PTBP3: variants seen among roughly 807,000 people sequenced by gnomAD.
PTBP3 encodes the protein polypyrimidine tract binding protein 3, also known as polypyrimidine tract-binding protein 3.
Under a neutral mutation model 58.7 loss-of-function variants are expected in PTBP3, and 20 were observed. That is an observed-to-expected ratio of 0.34 (90% CI 0.24 to 0.50). The LOEUF (loss-of-function observed/expected upper bound fraction) is 0.50, where lower values mean the gene tolerates loss of function less well. Ranked by LOEUF, PTBP3 falls within the 20% of genes least tolerant of loss-of-function variation. The pLI is 0.98. For synonymous variants in PTBP3, 185 were observed against 219.8 expected, an observed-to-expected ratio of 0.84 and a Z score of 1.40; for missense variants, 509 against 637.2, an observed-to-expected ratio of 0.80 and a Z score of 2.17.
chr9:112,283,866 G>C (rs1200810622), intron 2 of PTBP3, among the ~76,000 whole-genome samples: 1 of 152,232 alleles, frequency 6.6e-6, no homozygotes, highest in Non-Finnish European at 1.5e-5. Flanking sequence ...AGCTCCAGGA[G>C]TGGCTAAAAG....
At chr9:112,297,286 C>T (rs1222741021) in intron 2 of PTBP3, among the ~76,000 whole-genome samples, 2 of 152,190 alleles carry the variant, frequency 1.3e-5, no homozygotes, top group Non-Finnish European at 2.9e-5. Context: ...TCCCTGCCAC[C>T]TCCGCTTCCC....
intron 7 of PTBP3, among the ~76,000 whole-genome samples, chr9:112,239,773 AGGGAG>A (rs1835570754): frequency 7.0e-6 from 1 of 143,664 alleles, no homozygotes; most frequent in South Asian, 2.4e-4. Flanking sequence ...AAAAGAAGAG[AGGGAG>A]GGGAGGGGAG....
intron 2 of PTBP3, among the ~76,000 whole-genome samples, chr9:112,279,041 C>A (rs1368277706): frequency 3.3e-5 from 5 of 151,984 alleles, no homozygotes. Context: ...CATATTATTA[C>A]TATATGAAAT....
intron 6 of PTBP3, 111 bp from the exon 7 acceptor site, chr9:112,251,214 T>A: frequency 1.2e-6 from 1 of 832,370 alleles, no homozygotes; most frequent in Non-Finnish European, 1.7e-6. Flanking sequence ...AAGCACTGAC[T>A]AAAAAGCCAA....
At chr9:112,243,141 A>AAC (rs1554790003) in intron 7 of PTBP3, among the ~76,000 whole-genome samples, 3 of 151,782 alleles carry the variant, frequency 2.0e-5, no homozygotes, top group South Asian at 4.2e-4. Flanking sequence ...TAAAAAAAAA[A>AAC]AAAAAACAGT....
the PTBP3 span, among the ~76,000 whole-genome samples, chr9:112,353,680 T>G: frequency 3.9e-5 from 6 of 152,098 alleles, no homozygotes; most frequent in Non-Finnish European, 8.8e-5. Context: ...TCTACAGATA[T>G]TTGAAGTAAA....
chr9:112,240,849 G>A (rs1397763434), intron 7 of PTBP3, among the ~76,000 whole-genome samples: 4 of 151,918 alleles, frequency 2.6e-5, no homozygotes, highest in East Asian at 1.9e-4. Flanking sequence ...CTAGGCTAAC[G>A]TGTGTATGTG....
In PTBP3 at chr9:112,220,131, G is replaced by A; in HGVS notation, c.*3720C>T. On this transcript the variant is annotated 3_prime_UTR_variant, in exon 14 of 14. Coordinates refer to ENST00000374257, the MANE Select transcript of PTBP3 (RefSeq NM_001163788.4). Reference sequence around the variant, plus strand: ...TTTTAAAAATAGCAGTACACATTAGGTTTTCTAAGGGATAGGTGGGGAAAA... The same window carrying A: ...TTTTAAAAATAGCAGTACACATTAGATTTTCTAAGGGATAGGTGGGGAAAA... 6.2e-6 allele frequency: 8 copies of A among 1,291,906 alleles called. No individual in the cohort carries two copies. The highest frequency in any genetic ancestry group is 8.1e-6 in the Non-Finnish European group (8 of 990,160). The allele number at this position is 1,291,906 out of a possible 1,614,324, so 80.0% of individuals were successfully genotyped here. A position where few individuals can be genotyped will look rare whatever the true frequency, so the allele number is the denominator to read the frequency against.
intron 2 of PTBP3, among the ~76,000 whole-genome samples, chr9:112,282,564 T>C (rs1455683536): frequency 6.6e-6 from 1 of 152,152 alleles, no homozygotes; most frequent in Non-Finnish European, 1.5e-5. Flanking sequence ...TAAGTTACGG[T>C]TTCATTTTAT....
At chr9:112,377,106 G>C in the PTBP3 span, among the ~76,000 whole-genome samples, 1 of 152,208 alleles carries the variant, frequency 6.6e-6, no homozygotes, top group African/African-American at 2.4e-5. Context: ...TTTACAGGTT[G>C]AAACATTTCC....
At chr9:112,290,568 A>G (rs1828348988) in intron 2 of PTBP3, among the ~76,000 whole-genome samples, 1 of 151,444 alleles carries the variant, frequency 6.6e-6, no homozygotes, top group South Asian at 2.1e-4. Flanking sequence ...GCTACTCAGG[A>G]GCCTGAGGCA....
chr9:112,325,870 T>G (rs548886164), intron 1 of PTBP3, among the ~76,000 whole-genome samples: 1 of 151,880 alleles, frequency 6.6e-6, no homozygotes, highest in African/African-American at 2.4e-5. Context: ...ACACAAAAAT[T>G]AGCCCGGAGC....
At chr9:112,293,569 C>T (rs187613192) in intron 2 of PTBP3, among the ~76,000 whole-genome samples, 38 of 152,284 alleles carry the variant, frequency 2.5e-4, no homozygotes, top group Middle Eastern at 3.4e-3. Context: ...TTCCTAGACC[C>T]TTCACCCTCG....
chr9:112,238,542 TAACA>T (rs936226033), intron 7 of PTBP3, among the ~76,000 whole-genome samples: 27 of 151,618 alleles, frequency 1.8e-4, no homozygotes, highest in African/African-American at 4.3e-4. Context: ...CCACTAAAAA[TAACA>T]AACAATCCAC....
Position 112,268,198 on chromosome 9 carries a change from G to T in PTBP3, c.205-3C>A. The T allele has an allele frequency of 6.2e-7, 1 of 1,600,674 alleles. No individual in the cohort carries two copies. Among genetic ancestry groups the T allele is most frequent in the Middle Eastern group, 1.7e-4 (1 of 5,988 alleles). On this transcript the variant is annotated splice_polypyrimidine_tract_variant and splice_region_variant and intron_variant, in intron 3 of 13. Transcript: ENST00000374257. ...TCAGAAGCCATTTCTAAGAAAGCCT[G>T]CAATAAACACAAGAAGGTAAAGTTA...
the PTBP3 span, among the ~76,000 whole-genome samples, chr9:112,349,150 G>A: frequency 6.6e-6 from 1 of 152,058 alleles, no homozygotes; most frequent in Non-Finnish European, 1.5e-5. Flanking sequence ...CCTCAGTATG[G>A]TGTCAGTAGG....
In PTBP3 at chr9:112,221,646, C is replaced by CA. The variant is rs1328459114; in HGVS notation, c.*2204dup. The CA allele has an allele frequency of 1.0e-6, 1 of 985,062 alleles. No individual in the cohort carries two copies. The highest frequency in any genetic ancestry group is 1.2e-6 in the Non-Finnish European group (1 of 829,834). 61.0% of individuals were successfully genotyped at this position (985,062 alleles called of 1,614,324 possible). ...AAAACTTATTTCATAAGTAAAAAAA[C>CA]AAAAAACTAAAAACTCCCACAACTA... is the stretch of plus-strand genomic sequence containing the variant. On this transcript the variant is annotated 3_prime_UTR_variant, in exon 14 of 14. Transcript: ENST00000374257.
In PTBP3 at chr9:112,275,789, G is replaced by C. The variant is rs1564425694; in HGVS notation, c.204+55C>G. Reference sequence around the variant, plus strand: ...AAGCTCAAGAAAATAAAAATTATCAGTAATACTAACATCTGGAGATAATCA... The same window carrying C: ...AAGCTCAAGAAAATAAAAATTATCACTAATACTAACATCTGGAGATAATCA... On this transcript the variant is annotated intron_variant, in intron 3 of 13. Transcript: ENST00000374257. 6.4e-6 allele frequency: 9 copies of C among 1,399,682 alleles called. 1 individual carries two copies. The East Asian group carries it at 2.1e-4, about 33-fold the overall frequency. The allele number at this position is 1,399,682 out of a possible 1,614,324, so 86.7% of individuals were successfully genotyped here.
intron 5 of PTBP3, 78 bp downstream of exon 5, chr9:112,262,357 C>G: frequency 8.3e-7 from 1 of 1,203,476 alleles, no homozygotes. Flanking sequence ...ATAAGCTAAA[C>G]AACTTAGATA....
Sources: gnomAD v4.1 joint callset for allele counts (sites outside exome capture counted in the v4.1 genomes callset) on GRCh38, gnomAD v4.1.1 for gene constraint, MANE v1.5 for transcripts, NCBI Gene and HGNC (gene_info 2026-07-23, HGNC 2026-07-21) for gene names.